Variants in CNDP2 observed in about 807,000 individuals in gnomAD.
CNDP2 encodes carnosine dipeptidase 2.
In CNDP2, 38 loss-of-function variants were observed where a neutral mutation model predicts 55.0. The ratio of observed to expected loss-of-function variants is 0.69; its 90% CI spans 0.53 to 0.90. The LOEUF (loss-of-function observed/expected upper bound fraction) is 0.90, where lower values mean the gene tolerates loss of function less well. CNDP2 is among the 40% of genes least tolerant of loss of function. The pLI, the probability that CNDP2 is intolerant of heterozygous loss-of-function variation, is 0.00. For missense variants in CNDP2, 607 were observed against 621.7 expected, an observed-to-expected ratio of 0.98 and a Z score of 0.25; for synonymous variants, 241 against 260.2, an observed-to-expected ratio of 0.93 and a Z score of 0.71.
chr18:74,506,709 A>C (rs1599063722), intron 4 of CNDP2, among the ~76,000 whole-genome samples: 1 of 152,054 alleles, frequency 6.6e-6, no homozygotes, highest in Admixed American at 6.5e-5. Flanking sequence ...TGGCTGCCCC[A>C]GTGGGGGTGG....
chr18:74,518,104 G>T lies in CNDP2; in HGVS notation c.1069-395G>T, dbSNP rs187642325. 3.8e-4 allele frequency: 61 copies of T among 159,100 alleles called. No individual in the cohort carries two copies. In the Middle Eastern group the frequency reaches 0.016, roughly 43 times the overall value. 9.9% of individuals were successfully genotyped at this position (159,100 alleles called of 1,614,324 possible). On this transcript the variant is annotated intron_variant, in intron 9 of 11. Transcript: ENST00000324262. ...GGTGAAACCCCGTCTCTACTGAAAA[G>T]ACAAAAATTAGCCGGGTGTGGTGGC...
intron 3 of CNDP2, chr18:74,504,760 C>T (rs1381887291): frequency 1.3e-5 from 2 of 152,206 alleles, no homozygotes; most frequent in South Asian, 4.1e-4. Context: ...CAGCTAAAAG[C>T]ATCTCCTGCC....
At position 74,510,811 on chromosome 18, in the gene CNDP2, A is replaced by G. The variant is rs1169621623; in HGVS notation, c.457-2A>G. 1.2e-6 allele frequency: 2 copies of G among 1,612,602 alleles called. No individual in the cohort carries two copies. Among genetic ancestry groups the G allele is most frequent in the Non-Finnish European group, 8.5e-7 (1 of 1,179,164 alleles). ...TCCACTCGTGCTGTTCCCTTCTCAC[A>G]GGAGATTCCTGTCAACGTCCGATTC... On this transcript the variant is annotated splice_acceptor_variant, in intron 5 of 11. Coordinates refer to ENST00000324262, the MANE Select transcript of CNDP2 (RefSeq NM_018235.3). LOFTEE classifies it high-confidence loss of function.
At chr18:74,516,474 A>T in intron 9 of CNDP2, 82 bp downstream of exon 9, 1 of 1,378,590 alleles carries the variant, frequency 7.3e-7, no homozygotes. Context: ...CTGTTACTCG[A>T]CAGACACCCG....
intron 9 of CNDP2, 184 bp from the exon 10 acceptor site, chr18:74,518,315 T>C: frequency 1.8e-6 from 1 of 562,434 alleles, no homozygotes; most frequent in South Asian, 2.6e-5. Flanking sequence ...TCTAGTTATG[T>C]AGCTCAGTAT....
At chr18:74,508,624 T>G in intron 4 of CNDP2, 2 of 493,054 alleles carry the variant, frequency 4.1e-6, no homozygotes, top group South Asian at 2.8e-5. Flanking sequence ...AAGGAAGGGG[T>G]TCTTGGGAGC....
At chr18:74,516,676 C>T (rs1979689703) in intron 9 of CNDP2, 1 of 341,548 alleles carries the variant, frequency 2.9e-6, no homozygotes, top group African/African-American at 2.1e-5. Flanking sequence ...CAAGCGTGTT[C>T]TGGTCAGAGT....
Position 74,501,050 on chromosome 18 carries a change from T to C in CNDP2, c.61-279T>C, listed in dbSNP as rs184475074. The C allele has an allele frequency of 3.8e-4, 229 of 604,112 alleles. 1 individual carries two copies. The East Asian group carries it at 0.015, about 40-fold the overall frequency. 37.4% of individuals were successfully genotyped at this position (604,112 alleles called of 1,614,324 possible). On this transcript the variant is annotated intron_variant, in intron 2 of 11. Coordinates refer to ENST00000324262, the MANE Select transcript of CNDP2 (RefSeq NM_018235.3). ...TCCGGTTTTGGGCCTGGCGCCGGGC[T>C]GCCTGTCTTTGATTTCACTTCCTTG...
intron 1 of CNDP2, among the ~76,000 whole-genome samples, chr18:74,499,076 TGGCATGTAGACAC>T (rs1978550852): frequency 6.6e-6 from 1 of 152,182 alleles, no homozygotes; most frequent in African/African-American, 2.4e-5. Flanking sequence ...GGCGTTTGTC[TGGCATGTAGACAC>T]GAGGCTGTAG....
chr18:74,507,998 C>G (rs1979126656), intron 4 of CNDP2: 1 of 152,288 alleles, frequency 6.6e-6, no homozygotes, highest in African/African-American at 2.4e-5. Context: ...AGGAAATTCC[C>G]CAGGTGGTGA....
At chr18:74,506,048 G>C in intron 4 of CNDP2, 37 bp downstream of exon 4, 1 of 1,511,936 alleles carries the variant, frequency 6.6e-7, no homozygotes, top group South Asian at 1.4e-5. Flanking sequence ...CAGAGGAAAG[G>C]CACTGACTTT....
intron 11 of CNDP2, among the ~76,000 whole-genome samples, chr18:74,519,530 C>G (rs926754392): frequency 6.6e-6 from 1 of 152,110 alleles, no homozygotes; most frequent in Non-Finnish European, 1.5e-5. Context: ...AGGCAGGGGT[C>G]TTGGGTAGTT....
chr18:74,512,665 G>T (rs1264088600), intron 7 of CNDP2, 133 bp downstream of exon 7: 3 of 702,234 alleles, frequency 4.3e-6, no homozygotes, highest in Non-Finnish European at 7.1e-6. Flanking sequence ...TTCCTACTGT[G>T]CCTCTCCCTC....
Position 74,518,989 on chromosome 18 carries a change from T to A in CNDP2, c.1251T>A (p.Ser417Arg). ...CAGACTTGACCAGGGAAGGCGGCAGTATTCCCGTGACCTTGACCTTTCAGG... is the reference window on the plus strand; with the variant it reads ...CAGACTTGACCAGGGAAGGCGGCAGAATTCCCGTGACCTTGACCTTTCAGG... ...VEPDLTREGG[S>R]IPVTLTFQEA... is the part of the protein sequence containing the mutation. The change falls in exon 11 of 12, where the codon AGT (serine) becomes AGA (arginine). Residue 417 changes from serine (S) to arginine (R), a missense_variant. Ser to Arg is a moderately radical substitution (Grantham distance 110). Coordinates refer to ENST00000324262, the MANE Select transcript of CNDP2 (RefSeq NM_018235.3). 1 of 1,614,188 alleles carries A rather than the reference T, an allele frequency of 6.2e-7. No individual in the cohort carries two copies. Among genetic ancestry groups the A allele is most frequent in the Non-Finnish European group, 8.5e-7 (1 of 1,180,026 alleles).
intron 1 of CNDP2, among the ~76,000 whole-genome samples, chr18:74,498,997 G>A (rs1978546810): frequency 6.6e-6 from 1 of 152,196 alleles, no homozygotes; most frequent in Non-Finnish European, 1.5e-5. Context: ...TCACCTCTCT[G>A]TTGAGAAATC....
At chr18:74,517,240 A>G (rs1312289794) in intron 9 of CNDP2, 2 of 152,180 alleles carry the variant, frequency 1.3e-5, no homozygotes, top group Non-Finnish European at 2.9e-5. Context: ...CTACTAAAGA[A>G]AAAAAGCTAG....
intron 11 of CNDP2, 44 bp from the exon 12 acceptor site, chr18:74,519,955 G>T (rs1377804121): frequency 1.3e-6 from 2 of 1,583,356 alleles, no homozygotes; most frequent in African/African-American, 2.7e-5. Flanking sequence ...CTGGGTGTTG[G>T]CTCACGACAC....
At chr18:74,504,853 G>A (rs183343762) in intron 3 of CNDP2, 64 of 152,344 alleles carry the variant, frequency 4.2e-4, no homozygotes, top group Non-Finnish European at 4.1e-4. Context: ...CATGGCCACA[G>A]GAGTTTTGCA....
chr18:74,502,450 T>C (rs2144576040), intron 3 of CNDP2, among the ~76,000 whole-genome samples: 1 of 151,550 alleles, frequency 6.6e-6, no homozygotes, highest in East Asian at 1.9e-4. Context: ...TGTATATATA[T>C]GTGTGTTTTT....
Sources: gnomAD v4.1 joint callset for allele counts (sites outside exome capture counted in the v4.1 genomes callset) on GRCh38, gnomAD v4.1.1 for gene constraint, MANE v1.5 for transcripts, NCBI Gene and HGNC (gene_info 2026-07-23, HGNC 2026-07-21) for gene names.